The following DPYD variants were observed in gnomAD, a reference collection of about 807,000 sequenced individuals.
The protein encoded by DPYD is dihydropyrimidine dehydrogenase [NADP(+)].
A neutral mutation model predicts 116.2 loss-of-function variants in DPYD; 109 were observed. The observed-to-expected ratio is 0.94, with a 90% CI of 0.80 to 1.10. The LOEUF (loss-of-function observed/expected upper bound fraction) is 1.10. Ranked by LOEUF, DPYD falls within the 50% of genes least tolerant of loss-of-function variation. The pLI is 0.00. For missense variants in DPYD, 1,302 were observed against 1,254.5 expected (o/e 1.04, Z -0.57); for synonymous variants, 440 against 432.0 (o/e 1.02, Z -0.23).
At chr1:97,643,880 C>T (rs749906314) in intron 8 of DPYD, among the ~76,000 whole-genome samples, 4 of 151,816 alleles carry the variant, frequency 2.6e-5, no homozygotes, top group Non-Finnish European at 4.4e-5. Context: ...GGGAGTTGAA[C>T]AATGAGAACA....
Position 97,549,759 on chromosome 1 carries a change from G to GA in DPYD, c.1340-16dup. The GA allele has an allele frequency of 6.2e-7, 1 of 1,609,170 alleles. No individual in the cohort carries two copies. Among genetic ancestry groups the GA allele is most frequent in the Non-Finnish European group, 8.5e-7 (1 of 1,176,432 alleles). Reference sequence around the variant, plus strand: ...GGCTTCTTTTACTGAAAAAACAAGTGAAAAACAATAGACAATCACTAGTCA... The same window carrying GA: ...GGCTTCTTTTACTGAAAAAACAAGTGAAAAAACAATAGACAATCACTAGTCA... On this transcript the variant is annotated splice_polypyrimidine_tract_variant and intron_variant, in intron 11 of 22. Coordinates refer to ENST00000370192, the MANE Select transcript of DPYD (RefSeq NM_000110.4).
intron 20 of DPYD, among the ~76,000 whole-genome samples, chr1:97,176,218 G>C (rs370455780): frequency 2.6e-5 from 4 of 152,302 alleles, no homozygotes; most frequent in African/African-American, 9.6e-5. Flanking sequence ...GGGGAGAGTG[G>C]ATAAGTGCTT....
chr1:97,308,600 C>T (rs369206679), intron 16 of DPYD, among the ~76,000 whole-genome samples: 21 of 151,928 alleles, frequency 1.4e-4, no homozygotes, highest in African/African-American at 4.3e-4. Context: ...AATCTATATA[C>T]TTCAGGGAAT....
At chr1:97,225,794 C>T (rs1011968565) in intron 19 of DPYD, among the ~76,000 whole-genome samples, 1 of 151,924 alleles carries the variant, frequency 6.6e-6, no homozygotes, top group African/African-American at 2.4e-5. Context: ...TAGCCAAGGC[C>T]AATGTCTAGG....
intron 19 of DPYD, among the ~76,000 whole-genome samples, chr1:97,208,459 A>AT (rs1210099892): frequency 4.6e-5 from 7 of 150,634 alleles, no homozygotes; most frequent in East Asian, 2.0e-4. Flanking sequence ...TAATTTCTTA[A>AT]TTTTTTTGTA....
rs148813965 is a variant in DPYD at position 97,194,366 on chromosome 1, C to T, written c.2443-1118G>A. On this transcript the variant is annotated intron_variant, in intron 19 of 22. Transcript: ENST00000370192. ...TCCTTTGCACTTCTCCTTCCTACCA[C>T]CATGTGATGAAGGATATGCCTGCTT... is the stretch of plus-strand genomic sequence containing the variant. Among the ~76,000 whole-genome samples, 664 of 152,188 alleles carry T rather than the reference C, an allele frequency of 4.4e-3. 1 individual carries two copies. Among genetic ancestry groups the T allele is most frequent in the Non-Finnish European group, 7.2e-3 (491 of 68,014 alleles).
chr1:97,583,779 T>C (rs1653880009), intron 10 of DPYD, among the ~76,000 whole-genome samples: 1 of 152,142 alleles, frequency 6.6e-6, no homozygotes, highest in African/African-American at 2.4e-5. Context: ...TTTTAACAGT[T>C]TAAAATAAAA....
chr1:97,458,712 T>C (rs1676846739), intron 13 of DPYD, among the ~76,000 whole-genome samples: 1 of 152,184 alleles, frequency 6.6e-6, no homozygotes, highest in Admixed American at 6.5e-5. Context: ...TGCGTCAGTT[T>C]CAGCTTTAGC....
intron 2 of DPYD, among the ~76,000 whole-genome samples, chr1:97,866,525 G>C (rs970894615): frequency 2.0e-5 from 3 of 151,884 alleles, no homozygotes; most frequent in African/African-American, 7.2e-5. Context: ...CGAGGTGCCA[G>C]GTATTGTTGT....
chr1:97,915,866 T>C (rs1020644170), intron 1 of DPYD, among the ~76,000 whole-genome samples: 2 of 152,146 alleles, frequency 1.3e-5, no homozygotes, highest in Non-Finnish European at 2.9e-5. Context: ...TTATATCAAA[T>C]CTCATCAGAT....
At chr1:97,560,620 T>C (rs1229242521) in intron 11 of DPYD, among the ~76,000 whole-genome samples, 1 of 151,374 alleles carries the variant, frequency 6.6e-6, no homozygotes, top group East Asian at 1.9e-4. Flanking sequence ...GCAGGCACCG[T>C]AGTAAACCAC....
chr1:97,292,366 A>G (rs777773635), intron 18 of DPYD, among the ~76,000 whole-genome samples: 2 of 152,070 alleles, frequency 1.3e-5, no homozygotes, highest in Non-Finnish European at 2.9e-5. Flanking sequence ...ACGGGAAGCA[A>G]ACATGTCCTT....
At chr1:97,656,798 T>G (rs1658928983) in intron 8 of DPYD, among the ~76,000 whole-genome samples, 1 of 151,450 alleles carries the variant, frequency 6.6e-6, no homozygotes, top group East Asian at 1.9e-4. Flanking sequence ...ATACTTTGTC[T>G]CAATGCTTAG....
chr1:97,586,472 A>AGTCCCAGG (rs1343263803), intron 10 of DPYD, among the ~76,000 whole-genome samples: 6 of 10,726 alleles, frequency 5.6e-4, no homozygotes, highest in African/African-American at 2.8e-3. Context: ...ATACATATAT[A>AGTCCCAGG]TATATATATA....
chr1:97,551,781 G>T (rs773361957), intron 11 of DPYD, among the ~76,000 whole-genome samples: 1 of 152,070 alleles, frequency 6.6e-6, no homozygotes, highest in African/African-American at 2.4e-5. Context: ...TTCCACATCT[G>T]AGGATTCAAT....
At chr1:97,689,916 T>C (rs2100945331) in intron 7 of DPYD, among the ~76,000 whole-genome samples, 1 of 152,200 alleles carries the variant, frequency 6.6e-6, no homozygotes, top group East Asian at 1.9e-4. Flanking sequence ...ATCATTTCCT[T>C]CACATCTTAA....
chr1:97,082,902 T>G (rs1370516061), intron 21 of DPYD, among the ~76,000 whole-genome samples: 1 of 152,126 alleles, frequency 6.6e-6, no homozygotes, highest in Non-Finnish European at 1.5e-5. Flanking sequence ...GGAATACGAG[T>G]GTGAATGTTA....
At chr1:97,248,436 G>T (rs1364153256) in intron 18 of DPYD, among the ~76,000 whole-genome samples, 1 of 152,130 alleles carries the variant, frequency 6.6e-6, no homozygotes, top group Non-Finnish European at 1.5e-5. Flanking sequence ...TGATTGCAAG[G>T]CCTCCCCAGC....
At chr1:97,675,523 TAAAA>T (rs1226812249) in intron 8 of DPYD, among the ~76,000 whole-genome samples, 2 of 152,170 alleles carry the variant, frequency 1.3e-5, no homozygotes, top group African/African-American at 4.8e-5. Context: ...GAGAAAACTC[TAAAA>T]ATGAGAGACT....
Sources: allele counts gnomAD v4.1 joint callset (sites outside exome capture counted in the v4.1 genomes callset), GRCh38; gene constraint gnomAD v4.1.1; transcripts MANE v1.5; gene names NCBI Gene and HGNC (gene_info 2026-07-23, HGNC 2026-07-21).